SFMBT2: variants seen among roughly 807,000 people sequenced by gnomAD.
SFMBT2 encodes Scm like with four mbt domains 2, also known as scm-like with four MBT domains protein 2.
A neutral mutation model predicts 110.1 loss-of-function variants in SFMBT2; 38 were observed. That is an observed-to-expected ratio of 0.35 (90% CI 0.27 to 0.45). SFMBT2 has a LOEUF of 0.45. Among genes scored for constraint, SFMBT2 ranks in the 20% least tolerant of loss-of-function variants. The pLI is 1.00. For synonymous variants in SFMBT2, 425 were observed against 425.4 expected, an observed-to-expected ratio of 1.00 and a Z score of 0.01; for missense variants, 1,011 against 1,094.9, an observed-to-expected ratio of 0.92 and a Z score of 1.08.
intron 10 of SFMBT2, among the ~76,000 whole-genome samples, chr10:7,222,936 G>A (rs1411462663): frequency 6.6e-6 from 1 of 152,246 alleles, no homozygotes; most frequent in South Asian, 2.1e-4. Context: ...GATTACAGGT[G>A]TGAGCCACTG....
chr10:7,200,919 C>G, intron 13 of SFMBT2: 1 of 785,426 alleles, frequency 1.3e-6, no homozygotes, highest in Middle Eastern at 6.4e-4. Flanking sequence ...TCCGGGCCCG[C>G]GGGAGTCATG....
At chr10:7,197,996 C>G in intron 14 of SFMBT2, 3 of 985,316 alleles carry the variant, frequency 3.0e-6, no homozygotes, top group Non-Finnish European at 3.6e-6. Context: ...AATAGCAGGA[C>G]ATTTTATATC....
At chr10:7,198,016 ACC>A in intron 14 of SFMBT2, 9 of 985,438 alleles carry the variant, frequency 9.1e-6, no homozygotes, top group Non-Finnish European at 1.1e-5. Context: ...CCTTAATGAT[ACC>A]TTGGAAATTC....
chr10:7,314,017 C>T (rs1023645238), intron 4 of SFMBT2, among the ~76,000 whole-genome samples: 5 of 152,166 alleles, frequency 3.3e-5, no homozygotes, highest in Non-Finnish European at 7.3e-5. Context: ...TATCTACATG[C>T]TATTTTCATT....
chr10:7,164,454 C>G (rs1384387441), intron 20 of SFMBT2: 2 of 984,906 alleles, frequency 2.0e-6, no homozygotes, highest in African/African-American at 3.5e-5. Flanking sequence ...TACTCTGAAA[C>G]TCACATACCT....
rs1048209141 is a variant in SFMBT2, at chr10:7,172,911, G to A, written c.1985-250C>T. Among the ~76,000 whole-genome samples the A allele has an allele frequency of 2.0e-5, 3 of 152,128 alleles. No individual in the cohort carries two copies. The highest frequency in any genetic ancestry group is 7.2e-5 in the African/African-American group (3 of 41,422). ...ACCCCCAAAGTGAGTGTATCTGGAT[G>A]TCCCGAACCCCCAAAGTGAGTGTAC... On this transcript the variant is annotated intron_variant, in intron 17 of 20. Transcript: ENST00000397167. This position sits in a 1 kb window ranked among gnomAD's most constrained non-coding sequence, Gnocchi z 4.6.
chr10:7,373,121 C>T (rs1845104888), intron 2 of SFMBT2, among the ~76,000 whole-genome samples: 1 of 152,100 alleles, frequency 6.6e-6, no homozygotes, highest in African/African-American at 2.4e-5. Flanking sequence ...GGGGGCAGAT[C>T]CCTCATGACT....
At chr10:7,176,765 G>GA (rs1220582794) in intron 16 of SFMBT2, 1 of 152,324 alleles carries the variant, frequency 6.6e-6, no homozygotes, top group Non-Finnish European at 1.5e-5. Flanking sequence ...AAAAAAGAAA[G>GA]AAAAAAGCTA....
chr10:7,341,582 C>T (rs539484247), intron 4 of SFMBT2, among the ~76,000 whole-genome samples: 83 of 152,204 alleles, frequency 5.5e-4, no homozygotes, highest in Middle Eastern at 3.4e-3. Flanking sequence ...TTTTTTAAAT[C>T]CATTTTTGGC....
chr10:7,399,654 T>C (rs989751428), intron 1 of SFMBT2, among the ~76,000 whole-genome samples: 12 of 152,190 alleles, frequency 7.9e-5, no homozygotes, highest in African/African-American at 2.9e-4. Flanking sequence ...AGTAAAGAAC[T>C]TGGAAAATGT....
At chr10:7,229,682 A>C (rs1840055473) in intron 9 of SFMBT2, among the ~76,000 whole-genome samples, 1 of 149,984 alleles carries the variant, frequency 6.7e-6, no homozygotes, top group African/African-American at 2.4e-5. Flanking sequence ...AATACGAATT[A>C]TTTTCAATAA....
intron 20 of SFMBT2, chr10:7,164,223 C>T (rs1837632783): frequency 3.9e-6 from 3 of 767,614 alleles, no homozygotes; most frequent in African/African-American, 1.9e-5. Flanking sequence ...ACGGTCTCTA[C>T]AAAAAATTTA....
Position 7,273,434 on chromosome 10 carries a change from GA to G in SFMBT2, c.870+3457del, listed in dbSNP as rs371700264. ...TCCTGAGAGCTAAGTTGTAAAATCA[GA>G]AAACAAGAACCAACCAACCCCCGCC... On this transcript the variant is annotated intron_variant, in intron 7 of 20. Coordinates refer to ENST00000397167, the MANE Select transcript of SFMBT2 (RefSeq NM_001387889.1). Among the ~76,000 whole-genome samples the G allele has an allele frequency of 5.5e-4, 84 of 152,256 alleles. 1 individual carries two copies. The East Asian group carries it at 0.013, about 23-fold the overall frequency.
At chr10:7,284,225 G>T in intron 5 of SFMBT2, 75 bp from the exon 6 acceptor site, 5 of 1,555,010 alleles carry the variant, frequency 3.2e-6, no homozygotes, top group Non-Finnish European at 4.3e-6. Context: ...GACAGCAGAA[G>T]ATAATATTTT....
chr10:7,374,857 C>T (rs1317444477), intron 2 of SFMBT2, among the ~76,000 whole-genome samples: 1 of 152,226 alleles, frequency 6.6e-6, no homozygotes, highest in Non-Finnish European at 1.5e-5. Flanking sequence ...ACGTACAACC[C>T]TTCCCCAGGC....
intron 4 of SFMBT2, among the ~76,000 whole-genome samples, chr10:7,325,647 A>C (rs1023383949): frequency 9.2e-5 from 14 of 152,246 alleles, no homozygotes; most frequent in Admixed American, 8.5e-4. Context: ...AGCACACTTC[A>C]GTAGGTACAG....
chr10:7,197,107 A>G (rs774794849), intron 15 of SFMBT2, among the ~76,000 whole-genome samples: 16 of 151,726 alleles, frequency 1.1e-4, no homozygotes, highest in Non-Finnish European at 1.9e-4. Context: ...AAACAAAAAG[A>G]TGGCACAGCA....
chr10:7,220,303 G>C (rs1438866251), intron 11 of SFMBT2, 108 bp downstream of exon 11: 9 of 797,500 alleles, frequency 1.1e-5, no homozygotes, highest in African/African-American at 1.7e-5. Context: ...CTGTTTAAAT[G>C]AAAGAGAAGT....
chr10:7,337,679 C>G (rs560026161), intron 4 of SFMBT2, among the ~76,000 whole-genome samples: 1 of 152,088 alleles, frequency 6.6e-6, no homozygotes, highest in Non-Finnish European at 1.5e-5. Context: ...CACCTCTTTT[C>G]TTTATAAATT....
Sources: allele counts gnomAD v4.1 joint callset (sites outside exome capture counted in the v4.1 genomes callset), GRCh38; gene constraint gnomAD v4.1.1; non-coding constraint Gnocchi (gnomAD v3.1); transcripts MANE v1.5; gene names NCBI Gene and HGNC (gene_info 2026-07-23, HGNC 2026-07-21).